The following RAD51B variants were observed in gnomAD, a reference collection of about 807,000 sequenced individuals.
The protein encoded by RAD51B is DNA repair protein RAD51 homolog 2.
RAD51B carries 38 observed loss-of-function variants against 42.2 expected under a neutral mutation model. The observed-to-expected ratio is 0.90, with a 90% CI of 0.70 to 1.18. The LOEUF is 1.18. Ranked by LOEUF, RAD51B falls within the 50% of genes most tolerant of loss-of-function variation. The probability of loss-of-function intolerance (pLI) is 0.00; values close to 1 mark genes in which losing one functional copy is unlikely to be tolerated. For missense variants in RAD51B, 373 were observed against 400.7 expected (o/e 0.93, Z 0.59); for synonymous variants, 154 against 145.2 (o/e 1.06, Z -0.43).
chr14:68,620,350 C>T lies in RAD51B; in HGVS notation c.1037-30431C>T, dbSNP rs1450215658. On this transcript the variant is annotated intron_variant, in intron 10 of 11. Transcript: ENST00000488612. Reference sequence around the variant, plus strand: ...ACCTTCCCTACAGCCTCTGCGTGACCCCTTCTGACCTGTCCCCACCATGGG... The same window carrying T: ...ACCTTCCCTACAGCCTCTGCGTGACTCCTTCTGACCTGTCCCCACCATGGG... 1.2e-4 allele frequency among the ~76,000 whole-genome samples: 18 copies of T among 152,098 alleles called. 1 individual carries two copies. Among genetic ancestry groups the T allele is most frequent in the Admixed American group, 1.2e-3 (18 of 15,278 alleles).
chr14:68,645,356 C>A (rs1892543103), intron 10 of RAD51B, among the ~76,000 whole-genome samples: 1 of 152,158 alleles, frequency 6.6e-6, no homozygotes, highest in Admixed American at 6.5e-5. Flanking sequence ...GGATAATATT[C>A]TGTTGTGTGT....
chr14:68,413,730 A>G (rs1485793479), intron 9 of RAD51B, among the ~76,000 whole-genome samples: 3 of 152,178 alleles, frequency 2.0e-5, no homozygotes, highest in South Asian at 4.1e-4. Flanking sequence ...ATGAAAAACC[A>G]TAGAAGCCAT....
intron 5 of RAD51B, among the ~76,000 whole-genome samples, chr14:67,872,052 A>G (rs1168144470): frequency 6.9e-6 from 1 of 145,696 alleles, no homozygotes; most frequent in Non-Finnish European, 1.5e-5. Context: ...CTCTCTCACC[A>G]CTTCTATTTA....
At chr14:68,043,149 AT>A (rs1159272324) in intron 7 of RAD51B, among the ~76,000 whole-genome samples, 4 of 152,182 alleles carry the variant, frequency 2.6e-5, no homozygotes, top group African/African-American at 9.7e-5. Context: ...AGTTTTATTA[AT>A]TCTCTGGTTG....
intron 7 of RAD51B, among the ~76,000 whole-genome samples, chr14:68,263,745 TC>T (rs2080932011): frequency 1.3e-5 from 2 of 152,216 alleles, no homozygotes; most frequent in Admixed American, 6.5e-5. Context: ...AGGCCTATGT[TC>T]TTTCATAATG....
intron 7 of RAD51B, chr14:68,129,951 A>T (rs1207673216): frequency 6.6e-6 from 1 of 152,204 alleles, no homozygotes; most frequent in Non-Finnish European, 1.5e-5. Context: ...TTAACAGCTT[A>T]AAACAACAGC....
At chr14:67,960,889 G>C (rs940141748) in intron 7 of RAD51B, among the ~76,000 whole-genome samples, 1 of 151,354 alleles carries the variant, frequency 6.6e-6, no homozygotes, top group African/African-American at 2.4e-5. Flanking sequence ...GGCTGGTCTG[G>C]AACTCTTGGC....
Position 68,037,783 on chromosome 14 carries a change from T to C in RAD51B, c.756+150579T>C, listed in dbSNP as rs550026970. ...GTTTGTTTTGCAGCATAATAACACT[T>C]GACAGTTGTAAATTTTTCCGTATGT... On this transcript the variant is annotated intron_variant, in intron 7 of 10. Transcript: ENST00000471583. Among the ~76,000 whole-genome samples the C allele has an allele frequency of 7.7e-4, 118 of 152,374 alleles. 2 individuals are homozygous for C. The highest frequency in any genetic ancestry group is 3.1e-4 in the Non-Finnish European group (21 of 68,030).
At chr14:68,601,701 T>C (rs1446252790) in intron 10 of RAD51B, among the ~76,000 whole-genome samples, 1 of 152,158 alleles carries the variant, frequency 6.6e-6, no homozygotes, top group Non-Finnish European at 1.5e-5. Flanking sequence ...TATATACTCA[T>C]AGTAGGGGGC....
At chr14:67,945,952 A>G (rs909260576) in intron 7 of RAD51B, among the ~76,000 whole-genome samples, 29 of 152,328 alleles carry the variant, frequency 1.9e-4, no homozygotes, top group African/African-American at 6.7e-4. Flanking sequence ...TTGTAACTAG[A>G]CTTTATCAAA....
intron 9 of RAD51B, among the ~76,000 whole-genome samples, chr14:68,423,603 C>A (rs1042191032): frequency 1.3e-5 from 2 of 152,216 alleles, no homozygotes; most frequent in Non-Finnish European, 2.9e-5. Context: ...TACATACACT[C>A]CCTCTTTTAT....
At chr14:68,281,941 G>T (rs2081326173) in intron 7 of RAD51B, among the ~76,000 whole-genome samples, 1 of 151,400 alleles carries the variant, frequency 6.6e-6, no homozygotes, top group Non-Finnish European at 1.5e-5. Flanking sequence ...AGTAGGGCTT[G>T]TGCCTCAAGT....
chr14:67,937,099 T>G (rs1482637788), intron 7 of RAD51B, among the ~76,000 whole-genome samples: 2 of 152,308 alleles, frequency 1.3e-5, no homozygotes, highest in African/African-American at 4.8e-5. Flanking sequence ...ATTTATAGCA[T>G]AATGAAATAA....
At chr14:68,060,570 TG>T (rs965148145) in intron 7 of RAD51B, among the ~76,000 whole-genome samples, 2 of 152,228 alleles carry the variant, frequency 1.3e-5, no homozygotes, top group African/African-American at 4.8e-5. Flanking sequence ...CTCCTGATCT[TG>T]TTACATTGTT....
intron 10 of RAD51B, among the ~76,000 whole-genome samples, chr14:68,506,319 C>T (rs1885317300): frequency 6.6e-6 from 1 of 152,224 alleles, no homozygotes; most frequent in African/African-American, 2.4e-5. Flanking sequence ...ATGCCTTTGT[C>T]TCTGCTTTCC....
chr14:68,218,439 A>G (rs1595565053), intron 7 of RAD51B, among the ~76,000 whole-genome samples: 1 of 152,228 alleles, frequency 6.6e-6, no homozygotes, highest in Admixed American at 6.5e-5. Flanking sequence ...TTTTATGGCT[A>G]TCAGTAGTAT....
chr14:67,936,811 G>A (rs892360829), intron 7 of RAD51B, among the ~76,000 whole-genome samples: 5 of 152,072 alleles, frequency 3.3e-5, no homozygotes, highest in Non-Finnish European at 5.9e-5. Context: ...TGTGGTTTTT[G>A]TTTGCATTTT....
intron 7 of RAD51B, among the ~76,000 whole-genome samples, chr14:68,277,749 T>C (rs1451666111): frequency 6.6e-6 from 1 of 152,138 alleles, no homozygotes; most frequent in Non-Finnish European, 1.5e-5. Flanking sequence ...TTTTTTTTGT[T>C]TGTTTTTGAG....
At chr14:68,304,028 G>T (rs780924667) in intron 8 of RAD51B, among the ~76,000 whole-genome samples, 1 of 152,074 alleles carries the variant, frequency 6.6e-6, no homozygotes, top group Non-Finnish European at 1.5e-5. Flanking sequence ...AAATTAGCTG[G>T]ATGTGATGGT....
Sources: gnomAD v4.1 joint callset for allele counts (sites outside exome capture counted in the v4.1 genomes callset) on GRCh38, gnomAD v4.1.1 for gene constraint, MANE v1.5 for transcripts, NCBI Gene and HGNC (gene_info 2026-07-23, HGNC 2026-07-21) for gene names.